The following CS variants were observed in gnomAD, a reference collection of about 807,000 sequenced individuals.
CS encodes citrate synthase.
CS carries 13 observed loss-of-function variants against 61.4 expected under a neutral mutation model. That is an observed-to-expected ratio of 0.21 (90% confidence interval 0.14 to 0.34). CS has a LOEUF of 0.34. Ranked by LOEUF, CS falls within the 10% of genes least tolerant of loss-of-function variation. The pLI, the probability that CS is intolerant of heterozygous loss-of-function variation, is 1.00. For synonymous variants in CS, 159 were observed against 215.2 expected, an observed-to-expected ratio of 0.74 and a Z score of 2.29; for missense variants, 278 against 573.4, an observed-to-expected ratio of 0.48 and a Z score of 5.26.
chr12:56,289,028 T>G (rs1873031968), intron 1 of CS, among the ~76,000 whole-genome samples: 1 of 152,090 alleles, frequency 6.6e-6, no homozygotes, highest in Admixed American at 6.6e-5. Context: ...AGCCAGTATG[T>G]TCCTAAAGCA....
rs145613208 is a variant in CS, at chr12:56,298,706, G to C, written c.42+1454C>G. The stretch of plus-strand genomic sequence containing the variant: ...CCACTGGGTGCCTGGAAGAACCAAG[G>C]TAAATCTTACAAATTTCACTTTGTG... On this transcript the variant is annotated intron_variant, in intron 1 of 10. Coordinates refer to ENST00000351328, the MANE Select transcript of CS (RefSeq NM_004077.3). 2.5e-4 allele frequency: 244 copies of C among 983,866 alleles called. No individual in the cohort carries two copies. The African/African-American group carries it at 3.8e-3, about 15-fold the overall frequency. 60.9% of individuals were successfully genotyped at this position (983,866 alleles called of 1,614,324 possible).
intron 3 of CS, chr12:56,285,228 G>A (rs556212018): frequency 4.5e-6 from 2 of 445,748 alleles, no homozygotes; most frequent in African/African-American, 2.0e-5. Flanking sequence ...TTACAGGCAT[G>A]AGCCACTGCA....
At position 56,287,499 on chromosome 12, in the gene CS, AAAAAAAAAAAAG is replaced by A. The variant is rs1188575501; in HGVS notation, c.43-866_43-855del. On this transcript the variant is annotated intron_variant, in intron 1 of 10. Coordinates refer to ENST00000351328, the MANE Select transcript of CS (RefSeq NM_004077.3). Reference sequence around the variant, plus strand: ...TCTGTCAAAAAAAAAAAAAAAAAAAAAAAAAAAAAAAGAGAGAGAGAGAAAATAGTTTAGCTA... The same window carrying A: ...TCTGTCAAAAAAAAAAAAAAAAAAAAAGAGAGAGAGAAAATAGTTTAGCTA... 1.6e-3 allele frequency among the ~76,000 whole-genome samples: 246 copies of A among 150,352 alleles called. 1 individual carries two copies. The highest frequency in any genetic ancestry group is 2.8e-3 in the Non-Finnish European group (189 of 67,576).
intron 9 of CS, 68 bp from the exon 10 acceptor site, chr12:56,273,864 C>T: frequency 7.4e-7 from 1 of 1,358,240 alleles, no homozygotes; most frequent in Non-Finnish European, 1.0e-6. Context: ...GACAGGATCT[C>T]ACTCTGTCAC....
At chr12:56,278,553 A>G (rs1030535539) in intron 6 of CS, among the ~76,000 whole-genome samples, 1 of 151,986 alleles carries the variant, frequency 6.6e-6, no homozygotes, top group Non-Finnish European at 1.5e-5. Context: ...CCTGGCCAAC[A>G]AGGCAAAACC....
intron 1 of CS, chr12:56,299,764 C>T (rs972322241): frequency 9.2e-6 from 2 of 216,254 alleles, no homozygotes; most frequent in Non-Finnish European, 1.9e-5. Flanking sequence ...CACATATCTT[C>T]ACTCCCGCTC....
chr12:56,292,821 G>A (rs997339563), intron 1 of CS, among the ~76,000 whole-genome samples: 2 of 151,416 alleles, frequency 1.3e-5, no homozygotes, highest in African/African-American at 2.4e-5. Flanking sequence ...GGAGAATGGC[G>A]TGAACCTGGG....
chr12:56,273,851 C>T (rs1565618727), intron 9 of CS, 55 bp from the exon 10 acceptor site: 23 of 1,470,090 alleles, frequency 1.6e-5, no homozygotes, highest in South Asian at 3.4e-5. Flanking sequence ...TTTTATTTTT[C>T]GAGACAGGAT....
intron 6 of CS, 143 bp from the exon 7 acceptor site, chr12:56,276,338 G>T: frequency 1.5e-6 from 1 of 685,640 alleles, no homozygotes; most frequent in Non-Finnish European, 2.5e-6. Context: ...TATTGAGTAT[G>T]TTTGAAAGTA....
chr12:56,299,138 T>G (rs925332092), intron 1 of CS, among the ~76,000 whole-genome samples: 6 of 152,068 alleles, frequency 3.9e-5, no homozygotes, highest in Admixed American at 3.3e-4. Flanking sequence ...CAGGAAAAAC[T>G]AAGTTCTTTG....
At chr12:56,279,384 T>C (rs531792744) in intron 6 of CS, among the ~76,000 whole-genome samples, 29 of 151,786 alleles carry the variant, frequency 1.9e-4, no homozygotes, top group African/African-American at 6.8e-4. Context: ...ACTCCTATAA[T>C]CCCCAGCACT....
intron 1 of CS, among the ~76,000 whole-genome samples, chr12:56,292,275 G>A (rs573770126): frequency 2.6e-4 from 39 of 151,878 alleles, no homozygotes; most frequent in Middle Eastern, 3.4e-3. Context: ...GCAGGTGCCT[G>A]TAGTCCCAGC....
intron 6 of CS, 88 bp from the exon 7 acceptor site, chr12:56,276,283 TG>T: frequency 8.2e-7 from 1 of 1,225,664 alleles, no homozygotes; most frequent in East Asian, 2.4e-5. Flanking sequence ...CTCCATGAAT[TG>T]GGGCTATTTG....
intron 1 of CS, 141 bp from the exon 2 acceptor site, chr12:56,286,786 C>A: frequency 2.7e-6 from 2 of 737,150 alleles, no homozygotes; most frequent in Non-Finnish European, 4.6e-6. Context: ...TGTAAAAGTC[C>A]CCAAACAGTT....
chr12:56,278,403 C>G (rs1413678444), intron 6 of CS, among the ~76,000 whole-genome samples: 1 of 152,176 alleles, frequency 6.6e-6, no homozygotes, highest in Non-Finnish European at 1.5e-5. Flanking sequence ...GCTGAGATTA[C>G]AGGCGTGAGC....
chr12:56,295,699 A>G (rs1160427406), intron 1 of CS, among the ~76,000 whole-genome samples: 1 of 151,780 alleles, frequency 6.6e-6, no homozygotes, highest in Non-Finnish European at 1.5e-5. Context: ...TCACGCCTGT[A>G]ATCCCAGCAC....
intron 6 of CS, among the ~76,000 whole-genome samples, chr12:56,279,845 G>A (rs1310174521): frequency 1.3e-5 from 2 of 151,968 alleles, no homozygotes; most frequent in East Asian, 1.9e-4. Context: ...GTGCGCACCT[G>A]TAGTCCCAGC....
chr12:56,291,597 T>C (rs1873128017), intron 1 of CS: 1 of 152,752 alleles, frequency 6.5e-6, no homozygotes, highest in Admixed American at 6.5e-5. Context: ...TACATTCAGG[T>C]TATGTTCATT....
rs781095198 is a variant in CS, at chr12:56,273,118, C to G, written c.1367G>C (p.Gly456Ala). The change falls in exon 11 of 11, where the codon GGT becomes GCT. Residue 456 changes from glycine (G) to alanine (A), a missense_variant. This residue lies in a region of CS where 223 missense variants were observed against 503.5 expected (regional missense o/e 0.44). Transcript: ENST00000351328. ...CTTAGAGTCCACAAACTTCATCAGA[C>G]CCTCTGTGCTCATGGACTTGGGCCT... ...LERPKSMSTE[G>A]LMKFVDSKSG The G allele has an allele frequency of 1.9e-6, 3 of 1,613,248 alleles. No homozygotes were observed. In the African/African-American group the frequency reaches 4.0e-5, roughly 22 times the overall value.
Sources: gnomAD v4.1 joint callset for allele counts (sites outside exome capture counted in the v4.1 genomes callset) on GRCh38, gnomAD v4.1.1 for gene constraint, gnomAD v4.1.1 regional missense constraint, MANE v1.5 for transcripts, NCBI Gene and HGNC (gene_info 2026-07-23, HGNC 2026-07-21) for gene names.